Variants in PDZD9 observed in about 807,000 individuals in gnomAD.
PDZD9 encodes PDZ domain containing 9.
Under a neutral mutation model 16.3 loss-of-function variants are expected in PDZD9, and 13 were observed. The observed-to-expected ratio is 0.80, with a 90% CI of 0.52 to 1.27. PDZD9 has a LOEUF of 1.27. Among genes scored for constraint, PDZD9 ranks in the 50% most tolerant of loss-of-function variants. PDZD9 has a pLI of 0.00. For missense variants in PDZD9, 288 were observed against 310.9 expected (o/e 0.93, Z 0.55); for synonymous variants, 120 against 111.0 (o/e 1.08, Z -0.51).
chr16:21,957,657 T>G, the PDZD9 span: 3 of 1,512,132 alleles, frequency 2.0e-6, no homozygotes, highest in Non-Finnish European at 2.7e-6. Context: ...CTTTATATTT[T>G]GATTCCTTGA....
At chr16:21,971,599 G>A in the PDZD9 span, 2 of 1,614,138 alleles carry the variant, frequency 1.2e-6, no homozygotes, top group Admixed American at 3.3e-5. Context: ...TTTATCTGGT[G>A]CAAAGGCCAA....
At chr16:21,970,341 T>C in the PDZD9 span, among the ~76,000 whole-genome samples, 1 of 152,242 alleles carries the variant, frequency 6.6e-6, no homozygotes, top group Non-Finnish European at 1.5e-5. Context: ...ATGGTAACTC[T>C]GTTTAACCAT....
At chr16:22,000,778 C>A (rs1486349497) in intron 1 of PDZD9, among the ~76,000 whole-genome samples, 2 of 151,270 alleles carry the variant, frequency 1.3e-5, no homozygotes, top group Non-Finnish European at 2.9e-5. Flanking sequence ...GAGCTGAGAT[C>A]GCGCCACTGC....
chr16:21,960,192 T>G, the PDZD9 span, among the ~76,000 whole-genome samples: 1 of 152,208 alleles, frequency 6.6e-6, no homozygotes, highest in Non-Finnish European at 1.5e-5. Context: ...TGAAAATCTG[T>G]GGTTTAGTGT....
At chr16:21,963,853 G>A in the PDZD9 span, among the ~76,000 whole-genome samples, 1 of 152,088 alleles carries the variant, frequency 6.6e-6, no homozygotes, top group South Asian at 2.1e-4. Context: ...CTATTGTATT[G>A]CTATTATTGT....
In PDZD9 at chr16:21,984,121, CATCTCT is replaced by C. The variant is rs1261761266; in HGVS notation, c.*140_*145del. ...GTCTTTAGATAATCCTGTTGAAGAACATCTCTAAAGGCTTTATAACGCAGTCATAAG... is the reference window on the plus strand; with the variant it reads ...GTCTTTAGATAATCCTGTTGAAGAACAAAGGCTTTATAACGCAGTCATAAG... On this transcript the variant is annotated 3_prime_UTR_variant, in exon 4 of 4. Coordinates refer to ENST00000424898, the MANE Select transcript of PDZD9 (RefSeq NM_001363519.1). 2 of 826,740 alleles carry C rather than the reference CATCTCT, an allele frequency of 2.4e-6. No individual in the cohort carries two copies. The highest frequency in any genetic ancestry group is 5.4e-5 in the East Asian group (2 of 36,980). The allele number at this position is 826,740 out of a possible 1,614,324, so 51.2% of individuals were successfully genotyped here.
At chr16:21,985,303 T>C (rs928442348) in intron 3 of PDZD9, among the ~76,000 whole-genome samples, 1 of 151,928 alleles carries the variant, frequency 6.6e-6, no homozygotes, top group Admixed American at 6.6e-5. Flanking sequence ...TTTATTTATT[T>C]TTATTTATTT....
At chr16:21,998,130 G>A (rs1899196089) in intron 1 of PDZD9, among the ~76,000 whole-genome samples, 4 of 152,316 alleles carry the variant, frequency 2.6e-5, no homozygotes, top group Admixed American at 2.0e-4. Context: ...GGCAGGATAC[G>A]CCCTGCCTGA....
chr16:21,989,910 G>C (rs1325440952), intron 2 of PDZD9, among the ~76,000 whole-genome samples: 1 of 152,216 alleles, frequency 6.6e-6, no homozygotes, highest in East Asian at 1.9e-4. Flanking sequence ...CCAGCAGCTA[G>C]GTCATGGACC....
intron 2 of PDZD9, among the ~76,000 whole-genome samples, chr16:21,990,623 C>T (rs550390664): frequency 2.0e-5 from 3 of 152,182 alleles, no homozygotes; most frequent in Non-Finnish European, 4.4e-5. Flanking sequence ...GCTGCTCATC[C>T]TACTGAGGTT....
chr16:21,957,659 A>AT, the PDZD9 span: 2 of 1,490,026 alleles, frequency 1.3e-6, no homozygotes, highest in Middle Eastern at 1.8e-4. Flanking sequence ...TTATATTTTG[A>AT]TTCCTTGACC....
At chr16:21,977,964 A>C in the PDZD9 span, among the ~76,000 whole-genome samples, 1 of 152,216 alleles carries the variant, frequency 6.6e-6, no homozygotes, top group African/African-American at 2.4e-5. Flanking sequence ...ACCAGAAACA[A>C]AACATGATGA....
chr16:21,995,326 A>T (rs1409567985), intron 2 of PDZD9: 2 of 442,064 alleles, frequency 4.5e-6, no homozygotes, highest in Non-Finnish European at 4.5e-6. Context: ...ACCATGAGCC[A>T]ATTAAACCTC....
the PDZD9 span, among the ~76,000 whole-genome samples, chr16:21,967,792 A>G: frequency 1.3e-5 from 2 of 152,136 alleles, no homozygotes; most frequent in African/African-American, 4.8e-5. Context: ...ATGGTCAGAA[A>G]AGCTTTATAG....
the PDZD9 span, among the ~76,000 whole-genome samples, chr16:21,960,624 G>A: frequency 6.6e-6 from 1 of 152,120 alleles, no homozygotes; most frequent in Non-Finnish European, 1.5e-5. Flanking sequence ...TTCCTTAGAA[G>A]CTTAATCCTT....
intron 3 of PDZD9, among the ~76,000 whole-genome samples, chr16:21,985,091 C>T (rs1234351510): frequency 6.6e-6 from 1 of 152,090 alleles, no homozygotes; most frequent in African/African-American, 2.4e-5. Context: ...CCTTAAGGAT[C>T]TTCAACATCC....
chr16:21,968,560 CTT>C, the PDZD9 span: 1 of 1,432,422 alleles, frequency 7.0e-7, no homozygotes, highest in Non-Finnish European at 9.5e-7. Flanking sequence ...CCAAACTGTA[CTT>C]TTATGTTTTT....
chr16:21,986,733 A>C (rs1320037616), intron 3 of PDZD9, among the ~76,000 whole-genome samples: 1 of 152,222 alleles, frequency 6.6e-6, no homozygotes, highest in African/African-American at 2.4e-5. Flanking sequence ...ACAACTGATT[A>C]CACAGATTAT....
the PDZD9 span, chr16:21,958,516 T>C: frequency 3.1e-6 from 5 of 1,610,390 alleles, no homozygotes; most frequent in Non-Finnish European, 4.2e-6. Flanking sequence ...ACAAAGATAA[T>C]CATTCTTTCT....
Sources: gnomAD v4.1 joint callset for allele counts (sites outside exome capture counted in the v4.1 genomes callset) on GRCh38, gnomAD v4.1.1 for gene constraint, MANE v1.5 for transcripts, NCBI Gene and HGNC (gene_info 2026-07-23, HGNC 2026-07-21) for gene names.